The following ACSM1 variants were observed in gnomAD, a reference collection of about 807,000 sequenced individuals.
The protein encoded by ACSM1 is acyl-coenzyme A synthetase ACSM1, mitochondrial.
A neutral mutation model predicts 75.8 loss-of-function variants in ACSM1; 79 were observed. The observed-to-expected ratio is 1.04, with a 90% confidence interval of 0.87 to 1.26. The LOEUF (loss-of-function observed/expected upper bound fraction) is 1.26, where lower values mean the gene tolerates loss of function less well. Ranked by LOEUF, ACSM1 falls within the 50% of genes most tolerant of loss-of-function variation. ACSM1 has a pLI of 0.00. For missense variants in ACSM1, 676 were observed against 720.1 expected, an observed-to-expected ratio of 0.94 and a Z score of 0.70; for synonymous variants, 279 against 265.8, an observed-to-expected ratio of 1.05 and a Z score of -0.48.
At chr16:20,672,475 T>A (rs1436390812) in intron 4 of ACSM1, among the ~76,000 whole-genome samples, 9,348 of 73,202 alleles carry the variant, frequency 0.13, 849 homozygotes, top group African/African-American at 0.28. Flanking sequence ...AAAAAAAATA[T>A]ATATATATAT....
At position 20,653,561 on chromosome 16, in the gene ACSM1, G is replaced by A. The variant is rs867795904; in HGVS notation, c.992+8233C>T. ...GATAAGCAACTTCAGCAAAATCTCA[G>A]GATACAAAATCAATGTGCAAAAATC... On this transcript the variant is annotated intron_variant, in intron 7 of 13. Coordinates refer to ENST00000520010, the MANE Select transcript of ACSM1 (RefSeq NM_001318890.3). Among the ~76,000 whole-genome samples the A allele has an allele frequency of 8.5e-4, 129 of 152,218 alleles. 1 individual carries two copies. The highest frequency in any genetic ancestry group is 3.1e-3 in the Admixed American group (47 of 15,292).
intron 1 of ACSM1, among the ~76,000 whole-genome samples, chr16:20,696,750 C>G (rs1353692028): frequency 6.6e-6 from 1 of 152,188 alleles, no homozygotes; most frequent in East Asian, 1.9e-4. Context: ...TACATAGTGC[C>G]TTGAACAGCT....
rs999117294 is a variant in ACSM1 at position 20,695,877 on chromosome 16, C to G, written c.-52+1759G>C. On this transcript the variant is annotated intron_variant, in intron 1 of 13. Coordinates refer to ENST00000520010, the MANE Select transcript of ACSM1 (RefSeq NM_001318890.3). The stretch of plus-strand genomic sequence containing the variant: ...TACCTATATCACTATCTGTGTATAT[C>G]TATACATTAATATTAATGTCTATAA... 7.9e-5 allele frequency among the ~76,000 whole-genome samples: 12 copies of G among 152,244 alleles called. No individual in the cohort carries two copies. The East Asian group carries it at 2.3e-3, about 29-fold the overall frequency.
At chr16:20,649,175 GTTTTA>G (rs60734826) in intron 7 of ACSM1, among the ~76,000 whole-genome samples, 62,459 of 150,814 alleles carry the variant, frequency 0.41, 14,179 homozygotes, top group East Asian at 0.85. Flanking sequence ...ACAAAGCTCT[GTTTTA>G]TTTTATTTTA....
In ACSM1 at chr16:20,627,903, T is replaced by C. The variant is rs1436358886; in HGVS notation, c.1300-587A>G. Among the ~76,000 whole-genome samples the C allele has an allele frequency of 1.8e-3, 196 of 105,948 alleles. 11 individuals are homozygous for C. Among genetic ancestry groups the C allele is most frequent in the African/African-American group, 8.5e-3 (183 of 21,638 alleles). 69.5% of individuals were successfully genotyped at this position (105,948 alleles called of 152,430 possible). A position where few individuals can be genotyped will look rare whatever the true frequency, so the allele number is the denominator to read the frequency against. Reference sequence around the variant, plus strand: ...ATATATATATATATATATATATATATATATATATATATATATATATTCATT... The same window carrying C: ...ATATATATATATATATATATATATACATATATATATATATATATATTCATT... On this transcript the variant is annotated intron_variant, in intron 10 of 13. Transcript: ENST00000520010.
chr16:20,682,362 C>A lies in ACSM1; in HGVS notation c.505G>T (p.Ala169Ser). ...AKGIVTIDAL[A>S]SEVDSIASQC... ...GAAGCTATGGAGTCCACCTCTGAGG[C>A]AAGGGCATCTATGGTCACAATGCCC... The change falls in exon 4 of 14, where the codon GCC becomes TCC. Residue 169 changes from alanine to serine, a missense_variant. Transcript: ENST00000520010. 6.2e-7 allele frequency: 1 copy of A among 1,614,056 alleles called. No individual in the cohort carries two copies. Among genetic ancestry groups the A allele is most frequent in the East Asian group, 2.2e-5 (1 of 44,886 alleles).
rs1331195970 is a variant in ACSM1 at position 20,626,213 on chromosome 16, C to T, written c.1428-691G>A. Among the ~76,000 whole-genome samples the T allele has an allele frequency of 3.9e-5, 6 of 152,002 alleles. No homozygotes were observed. The East Asian group carries it at 1.2e-3, about 29-fold the overall frequency. On this transcript the variant is annotated intron_variant, in intron 11 of 13. Transcript: ENST00000520010. ...CCAGGCTGGCCAAGATGGTGAAACC[C>T]CATCTCTACTAAAAGTATAAAAATT...
chr16:20,627,857 T>C (rs1567242041), intron 10 of ACSM1, among the ~76,000 whole-genome samples: 2 of 101,036 alleles, frequency 2.0e-5, no homozygotes, highest in South Asian at 6.5e-4. Context: ...TCTCTCTCTC[T>C]CTGTATGTAT....
Position 20,661,793 on chromosome 16 carries a change from C to T in ACSM1, c.992+1G>A, listed in dbSNP as rs757336581. The T allele has an allele frequency of 1.2e-6, 2 of 1,605,984 alleles. No individual in the cohort carries two copies. The highest frequency in any genetic ancestry group is 1.7e-5 in the Admixed American group (1 of 59,870). ...GTTGTTACAAGCCACTTCTACCATA[C>T]CTGGTGAAATCCTGCTGCAGAATCA... On this transcript the variant is annotated splice_donor_variant, in intron 7 of 13. Coordinates refer to ENST00000520010, the MANE Select transcript of ACSM1 (RefSeq NM_001318890.3). LOFTEE classifies it high-confidence loss of function.
chr16:20,646,181 GA>G lies in ACSM1; in HGVS notation c.993-5598del, dbSNP rs2018348362. On this transcript the variant is annotated intron_variant, in intron 7 of 13. Coordinates refer to ENST00000520010, the MANE Select transcript of ACSM1 (RefSeq NM_001318890.3). ...CAGGCAAGTGAACTTTGGAGGCTCT[GA>G]AAAAGGAAAAGGCTGGGCAAATCAA... Among the ~76,000 whole-genome samples the G allele has an allele frequency of 2.6e-5, 4 of 152,246 alleles. No individual in the cohort carries two copies. In the South Asian group the frequency reaches 8.3e-4, roughly 32 times the overall value.
intron 10 of ACSM1, among the ~76,000 whole-genome samples, chr16:20,636,158 T>C (rs1040840416): frequency 2.0e-5 from 3 of 152,212 alleles, no homozygotes; most frequent in African/African-American, 7.2e-5. Flanking sequence ...CATCCTTCCA[T>C]GGCCAATATT....
At position 20,661,789 on chromosome 16, in the gene ACSM1, C is replaced by A; in HGVS notation, c.992+5G>T. On this transcript the variant is annotated splice_donor_5th_base_variant and intron_variant, in intron 7 of 13. Transcript: ENST00000520010. ...AGATGTTGTTACAAGCCACTTCTAC[C>A]ATACCTGGTGAAATCCTGCTGCAGA... The A allele has an allele frequency of 2.5e-6, 4 of 1,604,268 alleles. No individual in the cohort carries two copies. The highest frequency in any genetic ancestry group is 1.7e-4 in the Middle Eastern group (1 of 6,024).
At chr16:20,631,832 AGAAT>A (rs1457484691) in intron 10 of ACSM1, among the ~76,000 whole-genome samples, 2 of 152,222 alleles carry the variant, frequency 1.3e-5, no homozygotes, top group African/African-American at 4.8e-5. Context: ...ACAAAGGCAA[AGAAT>A]GATATAATGG....
intron 4 of ACSM1, 140 bp downstream of exon 4, chr16:20,682,116 G>C: frequency 1.3e-6 from 1 of 779,514 alleles, no homozygotes; most frequent in Admixed American, 2.7e-5. Context: ...TCAGGGCTCA[G>C]TCCTTTGGAT....
intron 2 of ACSM1, among the ~76,000 whole-genome samples, chr16:20,687,536 C>T (rs1208054131): frequency 6.6e-6 from 1 of 151,954 alleles, no homozygotes; most frequent in East Asian, 1.9e-4. Flanking sequence ...TTTTCAAATG[C>T]CTAACTTTCA....
chr16:20,644,141 A>G (rs1434126303), intron 7 of ACSM1, among the ~76,000 whole-genome samples: 1 of 152,238 alleles, frequency 6.6e-6, no homozygotes, highest in Non-Finnish European at 1.5e-5. Flanking sequence ...TTCAACTCTC[A>G]AGACCACTGA....
chr16:20,692,925 C>T (rs749993019), intron 1 of ACSM1, among the ~76,000 whole-genome samples: 17 of 152,016 alleles, frequency 1.1e-4, no homozygotes, highest in Non-Finnish European at 2.2e-4. Context: ...AATCCCAGCC[C>T]TTTGGGAGGC....
intron 10 of ACSM1, among the ~76,000 whole-genome samples, chr16:20,628,530 G>A (rs370941577): frequency 6.6e-6 from 1 of 151,382 alleles, no homozygotes; most frequent in East Asian, 1.9e-4. Flanking sequence ...GAATCATACA[G>A]CATATAACTG....
chr16:20,633,756 G>C (rs940375364), intron 10 of ACSM1, among the ~76,000 whole-genome samples: 15 of 152,206 alleles, frequency 9.9e-5, no homozygotes, highest in African/African-American at 3.4e-4. Flanking sequence ...AAGGCCAGGC[G>C]CGGTAGCTCA....
Sources: gnomAD v4.1 joint callset for allele counts (sites outside exome capture counted in the v4.1 genomes callset) on GRCh38, gnomAD v4.1.1 for gene constraint, MANE v1.5 for transcripts, NCBI Gene and HGNC (gene_info 2026-07-23, HGNC 2026-07-21) for gene names.